DST: variants seen among roughly 807,000 people sequenced by gnomAD.
DST encodes the protein dystonin.
Under a neutral mutation model 875.2 loss-of-function variants are expected in DST, and 253 were observed. The ratio of observed to expected loss-of-function variants is 0.29; its 90% confidence interval spans 0.26 to 0.32. The LOEUF (loss-of-function observed/expected upper bound fraction) is 0.32. Among genes scored for constraint, DST ranks in the 10% least tolerant of loss-of-function variants. DST has a pLI of 1.00. For missense variants in DST, 8,287 were observed against 9,111.6 expected (o/e 0.91, Z 3.68); for synonymous variants, 3,124 against 3,197.1 (o/e 0.98, Z 0.77).
Position 56,648,577 on chromosome 6 carries a change from T to C in DST, c.1547A>G (p.Glu516Gly), listed in dbSNP as rs536637979. 5.7e-6 allele frequency: 9 copies of C among 1,577,156 alleles called. No homozygotes were observed. The East Asian group carries it at 1.8e-4, about 32-fold the overall frequency. Reference protein sequence around the residue: ...SERTFPNNPVELKALYNQYLQ... With the variant: ...SERTFPNNPVGLKALYNQYLQ... ...TTCTACAGTGACACTAACCTTCAGT[T>C]CTACAGGATTATTAGGAAATGTTCT... Residue 516 changes from glutamate to glycine, a missense_variant, in exon 13 of 104, where the codon GAA (glutamate) becomes GGA (glycine). Around this residue, in one of 10 missense-constraint regions of DST, gnomAD observed 1,160 missense variants for 1,424.3 expected, o/e 0.81. Transcript: ENST00000680361.
At chr6:56,843,726 TGGAGA>T (rs2099803611) in intron 4 of DST, 1 of 86,598 alleles carries the variant, frequency 1.2e-5, no homozygotes, top group Non-Finnish European at 1.5e-5. Context: ...GGGTGGAGGG[TGGAGA>T]GTGGAGGGTG....
rs778409791 is a variant in DST at position 56,627,297 on chromosome 6, TAC to T, written c.4639-12_4639-11del. On this transcript the variant is annotated splice_polypyrimidine_tract_variant and intron_variant, in intron 33 of 103. Coordinates refer to ENST00000680361, the MANE Select transcript of DST (RefSeq NM_001374736.1). The stretch of plus-strand genomic sequence containing the variant: ...TTTCGGACACCAGCATCTATAAATA[TAC>T]ACAGTTTAGAACAAAAATGACAAGG... 13 of 1,597,902 alleles carry T rather than the reference TAC, an allele frequency of 8.1e-6. No individual in the cohort carries two copies. The African/African-American group carries it at 1.7e-4, about 21-fold the overall frequency.
In DST at chr6:56,639,741, A is replaced by G. The variant is rs770154355; in HGVS notation, c.2652T>C (p.Tyr884=). 1.9e-5 allele frequency: 30 copies of G among 1,613,788 alleles called. No homozygotes were observed. Among genetic ancestry groups the G allele is most frequent in the African/African-American group, 6.7e-5 (5 of 74,926 alleles). ...IQMTAPLKLT[Y]AEKLHRLESQ... ...TCTCTAATCTGTGCAACTTTTCTGC[A>G]TAAGTCAGTTTAAGAGGTGCTGTCA... The change falls in exon 20 of 104, where the codon TAT becomes TAC. Residue 884 remains tyrosine (Y), a synonymous_variant. Coordinates refer to ENST00000680361, the MANE Select transcript of DST (RefSeq NM_001374736.1).
At chr6:56,697,500 A>C (rs1211887931) in intron 9 of DST, among the ~76,000 whole-genome samples, 3 of 152,248 alleles carry the variant, frequency 2.0e-5, no homozygotes, top group Admixed American at 6.5e-5. Flanking sequence ...CTGTCACCGA[A>C]AAAGATTTAT....
In DST at chr6:56,506,745, T is replaced by C. The variant is rs766839018; in HGVS notation, c.19284A>G (p.Ile6428Met). The change falls in exon 76 of 104, where the codon ATA becomes ATG. Residue 6428 changes from isoleucine (I) to methionine (M), a missense_variant. Coordinates refer to ENST00000680361, the MANE Select transcript of DST (RefSeq NM_001374736.1). The part of the protein sequence containing the change: ...EIDGLQEELD[I>M]VINLGSELIA... ...TGAGTTCAGAACCTAGGTTAATAAC[T>C]ATATCCAGCTCCTCCTGTAGTCCAT... is the stretch of plus-strand genomic sequence containing the variant. 1.2e-6 allele frequency: 2 copies of C among 1,613,562 alleles called. No individual in the cohort carries two copies. Among genetic ancestry groups the C allele is most frequent in the Non-Finnish European group, 1.7e-6 (2 of 1,179,608 alleles).
chr6:56,820,177 C>G (rs1025052314), intron 4 of DST, among the ~76,000 whole-genome samples: 2 of 152,200 alleles, frequency 1.3e-5, no homozygotes, highest in African/African-American at 4.8e-5. Flanking sequence ...CTATGTGATT[C>G]AACTATAGCA....
At chr6:56,844,125 G>T in intron 4 of DST, 1 of 152,580 alleles carries the variant, frequency 6.6e-6, no homozygotes. Context: ...TTTTTGGCGT[G>T]GGAGGATTCA....
At chr6:56,851,929 A>T (rs1765494777) in intron 3 of DST, 1 of 1,532,210 alleles carries the variant, frequency 6.5e-7, no homozygotes, top group Non-Finnish European at 8.8e-7. Context: ...AGCCAGAATC[A>T]ACAGCCTTCC....
chr6:56,560,167 G>T, intron 58 of DST, 127 bp downstream of exon 58: 1 of 957,830 alleles, frequency 1.0e-6, no homozygotes, highest in Non-Finnish European at 1.5e-6. Flanking sequence ...GCAAAAAATA[G>T]ATTCTGAAAC....
chr6:56,785,029 T>C (rs1011958383), intron 4 of DST, among the ~76,000 whole-genome samples: 1 of 152,212 alleles, frequency 6.6e-6, no homozygotes, highest in Non-Finnish European at 1.5e-5. Flanking sequence ...CGGCAGTGTC[T>C]GCAGAACCGC....
intron 4 of DST, among the ~76,000 whole-genome samples, chr6:56,745,445 A>G (rs114632793): frequency 0.013 from 2,006 of 152,342 alleles, 49 homozygotes; most frequent in African/African-American, 0.045. Flanking sequence ...AAATCTTTGG[A>G]TTTATACTAC....
intron 3 of DST, among the ~76,000 whole-genome samples, chr6:56,872,832 C>CTTTTTTTTTTT (rs1554220821): frequency 7.8e-6 from 1 of 127,860 alleles, no homozygotes; most frequent in African/African-American, 2.8e-5. Context: ...TCCCCCCCCC[C>CTTTTTTTTTTT]TTTTTTTTTT....
Position 56,492,328 on chromosome 6 carries a change from T to G in DST, c.20656A>C (p.Lys6886Gln). 6.2e-7 allele frequency: 1 copy of G among 1,613,916 alleles called. No individual in the cohort carries two copies. The highest frequency in any genetic ancestry group is 8.5e-7 in the Non-Finnish European group (1 of 1,179,824). ...CTTTGTACACTGATAAGTAGATTCT[T>G]GATTAGAACAACATCTTGTTTCTGA... is the stretch of plus-strand genomic sequence containing the variant. ...FSQKQDVVLI[K>Q]NLLISVQSRW... The change falls in exon 85 of 104, where the codon AAG (lysine) becomes CAG (glutamine). Residue 6886 changes from lysine (K) to glutamine (Q), a missense_variant. By Grantham distance (53) the Lys-to-Gln change is moderately conservative. Around this residue, in one of 10 missense-constraint regions of DST, gnomAD observed 1,292 missense variants for 1,552.7 expected, o/e 0.83. Transcript: ENST00000680361.
At chr6:56,769,165 T>C (rs2099642862) in intron 4 of DST, among the ~76,000 whole-genome samples, 1 of 152,030 alleles carries the variant, frequency 6.6e-6, no homozygotes, top group African/African-American at 2.4e-5. Context: ...CTAAAGGAAA[T>C]ATACAGTTGG....
At position 56,553,650 on chromosome 6, in the gene DST, G is replaced by A; in HGVS notation, c.15142C>T (p.His5048Tyr). ...FKDVEQKAEN[H>Y]VQHLQSACAS... ...CAGGCCGACTGAAGGTGCTGGACAT[G>A]ATTCTCTAGAAATAAAATTACAAGA... The change falls in exon 61 of 104, where the codon CAT becomes TAT. Residue 5048 changes from histidine to tyrosine, a missense_variant. By Grantham distance (83) the His-to-Tyr change is moderately conservative. Transcript: ENST00000680361. 1.2e-6 allele frequency: 2 copies of A among 1,608,046 alleles called. No individual in the cohort carries two copies. Among genetic ancestry groups the A allele is most frequent in the Non-Finnish European group, 1.7e-6 (2 of 1,178,398 alleles).
chr6:56,601,654 T>G lies in DST; in HGVS notation c.11330A>C (p.His3777Pro), dbSNP rs2098447107. 1 of 1,585,902 alleles carries G rather than the reference T, an allele frequency of 6.3e-7. No individual in the cohort carries two copies. The highest frequency in any genetic ancestry group is 1.8e-5 in the Admixed American group (1 of 56,462). Residue 3777 changes from histidine (H) to proline (P), a missense_variant, in exon 44 of 104, where the codon CAT (histidine) becomes CCT (proline). Coordinates refer to ENST00000680361, the MANE Select transcript of DST (RefSeq NM_001374736.1). The stretch of plus-strand genomic sequence containing the variant: ...AGTAGTCTCCAGCTGCATTTTGGTA[T>G]GTCCAAGGTCTTTTAATACATTCTG... ...FLKNVLKDLG[H>P]TKMQLETTAF...
intron 3 of DST, among the ~76,000 whole-genome samples, chr6:56,855,902 G>A (rs774067832): frequency 5.9e-5 from 9 of 152,194 alleles, no homozygotes; most frequent in Non-Finnish European, 1.3e-4. Context: ...CTGGCATGGG[G>A]AGAAAGTGTG....
chr6:56,792,347 T>G (rs1436868952), intron 4 of DST, among the ~76,000 whole-genome samples: 1 of 152,124 alleles, frequency 6.6e-6, no homozygotes, highest in African/African-American at 2.4e-5. Flanking sequence ...GGTAAAAGGT[T>G]TTGGGGGAAC....
In DST at chr6:56,572,319, G is replaced by A. The variant is rs1006439848; in HGVS notation, c.13555-53C>T. 6.9e-6 allele frequency: 9 copies of A among 1,307,726 alleles called. No individual in the cohort carries two copies. The African/African-American group carries it at 8.9e-5, about 13-fold the overall frequency. 81.0% of individuals were successfully genotyped at this position (1,307,726 alleles called of 1,614,324 possible). On this transcript the variant is annotated intron_variant, in intron 52 of 103. Coordinates refer to ENST00000680361, the MANE Select transcript of DST (RefSeq NM_001374736.1). The stretch of plus-strand genomic sequence containing the variant: ...TATAAATGTTGCTAGATCTTCAAAT[G>A]GCATTCCATCCAGAGGTCTGTGCGG...
Sources: allele counts gnomAD v4.1 joint callset (sites outside exome capture counted in the v4.1 genomes callset), GRCh38; gene constraint gnomAD v4.1.1; regional missense constraint gnomAD v4.1.1; transcripts MANE v1.5; gene names NCBI Gene and HGNC (gene_info 2026-07-23, HGNC 2026-07-21).